NANOG: variants seen among roughly 807,000 people sequenced by gnomAD.
NANOG encodes the protein homeobox protein NANOG.
A neutral mutation model predicts 17.7 loss-of-function variants in NANOG; 2 were observed. The ratio of observed to expected loss-of-function variants is 0.11; its 90% confidence interval spans 0.05 to 0.36. The LOEUF is 0.36. NANOG is among the 10% of genes least tolerant of loss of function. The pLI is 1.00. For synonymous variants in NANOG, 81 were observed against 124.7 expected (o/e 0.65, Z 2.33); for missense variants, 174 against 362.1 (o/e 0.48, Z 4.22).
At position 7,794,681 on chromosome 12, in the gene NANOG, G is replaced by A; in HGVS notation, c.504G>A (p.Lys168=). 14 of 1,610,574 alleles carry A rather than the reference G, an allele frequency of 8.7e-6. No homozygotes were observed. The highest frequency in any genetic ancestry group is 1.2e-5 in the Non-Finnish European group (14 of 1,177,764). The change falls in exon 4 of 4, where the codon AAG becomes AAA. Residue 168 remains lysine, a splice_region_variant and synonymous_variant. Coordinates refer to ENST00000229307, the MANE Select transcript of NANOG (RefSeq NM_024865.4). ...GTTAATCCCTCCTTCTCTTTCAGAA[G>A]GCCTCAGCACCTACCTACCCCAGCC... The part of the protein sequence containing the change: ...WPKNSNGVTQ[K]ASAPTYPSLY...
At chr12:7,789,857 T>C in intron 1 of NANOG, 92 bp downstream of exon 1, 1 of 1,289,084 alleles carries the variant, frequency 7.8e-7, no homozygotes, top group Non-Finnish European at 1.1e-6. Context: ...TCTTGAGCAA[T>C]GATGGACCAT....
chr12:7,794,318 C>T, intron 2 of NANOG, 139 bp from the exon 3 acceptor site: 2 of 742,934 alleles, frequency 2.7e-6, no homozygotes, highest in Non-Finnish European at 4.4e-6. Flanking sequence ...AGCAATCTGC[C>T]CGCCTTGGCC....
intron 1 of NANOG, among the ~76,000 whole-genome samples, chr12:7,792,618 T>C (rs1862856599): frequency 6.6e-6 from 1 of 152,032 alleles, no homozygotes; most frequent in African/African-American, 2.4e-5. Context: ...GAGCCGAGAT[T>C]GCACCATCGC....
In NANOG at chr12:7,794,565, T is replaced by C. The variant is rs376477233; in HGVS notation, c.501+22T>C. The C allele has an allele frequency of 4.3e-6, 7 of 1,610,386 alleles. No homozygotes were observed. The African/African-American group carries it at 8.0e-5, about 18-fold the overall frequency. Reference sequence around the variant, plus strand: ...GCAGGTAACAGGAAACTTCATTCTGTTCTTTCCTTTCAGTGATCTTTCAAT... The same window carrying C: ...GCAGGTAACAGGAAACTTCATTCTGCTCTTTCCTTTCAGTGATCTTTCAAT... On this transcript the variant is annotated intron_variant, in intron 3 of 3. Transcript: ENST00000229307.
At chr12:7,793,268 G>C (rs1363699971) in intron 2 of NANOG, 56 bp downstream of exon 2, 32 of 1,564,770 alleles carry the variant, frequency 2.0e-5, no homozygotes, top group Non-Finnish European at 2.8e-5. Flanking sequence ...AATTTGCATG[G>C]CTAAGACCTC....
intron 1 of NANOG, 51 bp downstream of exon 1, chr12:7,789,816 A>G: frequency 6.4e-7 from 1 of 1,564,768 alleles, no homozygotes; most frequent in Non-Finnish European, 8.7e-7. Context: ...GGGAAAAGAG[A>G]GAAGGAGAGA....
chr12:7,794,240 AT>A (rs763209878), intron 2 of NANOG, among the ~76,000 whole-genome samples: 44 of 141,612 alleles, frequency 3.1e-4, no homozygotes, highest in African/African-American at 1.0e-3. Context: ...CACCCGGCTA[AT>A]TTTTTGTATT....
In NANOG at chr12:7,790,244, A is replaced by G. The variant is rs141877003; in HGVS notation, c.151+479A>G. On this transcript the variant is annotated intron_variant, in intron 1 of 3. Transcript: ENST00000229307. The stretch of plus-strand genomic sequence containing the variant: ...CACGATGAGATTTCTGTAATACATA[A>G]TTTGGGTAATTCTTTCTATGTCAGT... Among the ~76,000 whole-genome samples, 21 of 152,160 alleles carry G rather than the reference A, an allele frequency of 1.4e-4. 1 individual carries two copies. The highest frequency in any genetic ancestry group is 4.6e-4 in the African/African-American group (19 of 41,438).
At chr12:7,793,307 G>A (rs1862869416) in intron 2 of NANOG, 95 bp downstream of exon 2, 2 of 1,188,188 alleles carry the variant, frequency 1.7e-6, no homozygotes, top group East Asian at 2.4e-5. Flanking sequence ...TGTGTACTAT[G>A]TGTCCGTACA....
chr12:7,794,413 C>T, intron 2 of NANOG, 44 bp from the exon 3 acceptor site: 1 of 1,518,536 alleles, frequency 6.6e-7, no homozygotes, highest in Non-Finnish European at 9.1e-7. Context: ...CAAAGTACCT[C>T]TGTATTATGA....
chr12:7,789,590 T>C lies in NANOG; in HGVS notation c.-25T>C, dbSNP rs1263493979. 1 of 1,609,550 alleles carries C rather than the reference T, an allele frequency of 6.2e-7. No individual in the cohort carries two copies. The highest frequency in any genetic ancestry group is 2.2e-5 in the East Asian group (1 of 44,868). ...TTTTTCCAGTCCACCTCTTAAATTT[T>C]TTCCTCCTCTTCCTCTATACTAACA... On this transcript the variant is annotated 5_prime_UTR_variant, in exon 1 of 4. Coordinates refer to ENST00000229307, the MANE Select transcript of NANOG (RefSeq NM_024865.4).
rs1349468421 is a variant in NANOG at position 7,794,723 on chromosome 12, C to G, written c.546C>G (p.His182Gln). The G allele has an allele frequency of 1.9e-6, 3 of 1,579,598 alleles. No homozygotes were observed. Among genetic ancestry groups the G allele is most frequent in the Non-Finnish European group, 2.6e-6 (3 of 1,163,966 alleles). Residue 182 changes from histidine (H) to glutamine (Q), a missense_variant, in exon 4 of 4, where the codon CAC (histidine) becomes CAG (glutamine). By Grantham distance (24) the His-to-Gln change is conservative. Transcript: ENST00000229307. ...PTYPSLYSSYHQGCLVNPTGN... is the reference protein window; with the variant it reads ...PTYPSLYSSYQQGCLVNPTGN... ...ACCCCAGCCTTTACTCTTCCTACCA[C>G]CAGGGATGCCTGGTGAACCCGACTG...
intron 1 of NANOG, 134 bp downstream of exon 1, chr12:7,789,899 C>G: frequency 1.1e-6 from 1 of 924,758 alleles, no homozygotes; most frequent in Non-Finnish European, 1.6e-6. Flanking sequence ...TCAACTAATC[C>G]TCTGGAAACC....
chr12:7,794,533 G>A lies in NANOG; in HGVS notation c.491G>A (p.Gly164Asp). Residue 164 changes from glycine (G) to aspartate (D), a missense_variant, in exon 3 of 4, where the codon GGT becomes GAT. Coordinates refer to ENST00000229307, the MANE Select transcript of NANOG (RefSeq NM_024865.4). ...QKNNWPKNSN[G>D]VTQKASAPTY... ...AACAACTGGCCGAAGAATAGCAATG[G>A]TGTGACGCAGGTAACAGGAAACTTC... The A allele has an allele frequency of 6.2e-7, 1 of 1,613,438 alleles. No individual in the cohort carries two copies.
rs1862934919 is a variant in NANOG, at chr12:7,796,646, T to A, written c.*1551T>A. On this transcript the variant is annotated 3_prime_UTR_variant, in exon 4 of 4. Transcript: ENST00000229307. The stretch of plus-strand genomic sequence containing the variant: ...GATCTGAGAGCACGTCCCTTCACTC[T>A]GAAGCAGCATGATGCAGGTTATCAG... The A allele has an allele frequency of 6.6e-6, 1 of 152,194 alleles. No individual in the cohort carries two copies. The highest frequency in any genetic ancestry group is 1.5e-5 in the Non-Finnish European group (1 of 68,044). 9.4% of individuals were successfully genotyped at this position (152,194 alleles called of 1,614,324 possible).
intron 1 of NANOG, 71 bp downstream of exon 1, chr12:7,789,836 G>T (rs1331662764): frequency 1.4e-6 from 2 of 1,473,170 alleles, no homozygotes; most frequent in Non-Finnish European, 1.9e-6. Context: ...AGGGTTAAGG[G>T]ATCATTTCCC....
At position 7,798,102 on chromosome 12, in the gene NANOG, T is replaced by TG. The variant is rs1489189854; in HGVS notation, c.*3008dup. 1.3e-5 allele frequency: 2 copies of TG among 152,080 alleles called. No individual in the cohort carries two copies. Among genetic ancestry groups the TG allele is most frequent in the Non-Finnish European group, 2.9e-5 (2 of 68,012 alleles). The allele number at this position is 152,080 out of a possible 1,614,324, so 9.4% of individuals were successfully genotyped here. On this transcript the variant is annotated 3_prime_UTR_variant, in exon 4 of 4. Coordinates refer to ENST00000229307, the MANE Select transcript of NANOG (RefSeq NM_024865.4). ...AAAGCAGTAAGATTAGTGGGCCAGG[T>TG]GCCGTGGCTCACACCTGTAATCCCA...
At chr12:7,794,176 C>T (rs1268856863) in intron 2 of NANOG, among the ~76,000 whole-genome samples, 1 of 152,232 alleles carries the variant, frequency 6.6e-6, no homozygotes, top group African/African-American at 2.4e-5. Flanking sequence ...CAGGTGCAAG[C>T]GATCCTCCCG....
Position 7,796,323 on chromosome 12 carries a change from T to A in NANOG, c.*1228T>A, listed in dbSNP as rs1248133462. The A allele has an allele frequency of 4.1e-5, 6 of 145,490 alleles. No individual in the cohort carries two copies. The highest frequency in any genetic ancestry group is 7.9e-5 in the African/African-American group (3 of 37,942). The allele number at this position is 145,490 out of a possible 1,614,324, so 9.0% of individuals were successfully genotyped here. ...AATAAATAAGTAAATAAATGAATAA[T>A]AAATAAATATGCCAGTTTTAGAATG... On this transcript the variant is annotated 3_prime_UTR_variant, in exon 4 of 4. Transcript: ENST00000229307.
Sources: gnomAD v4.1 joint callset for allele counts (sites outside exome capture counted in the v4.1 genomes callset) on GRCh38, gnomAD v4.1.1 for gene constraint, MANE v1.5 for transcripts, NCBI Gene and HGNC (gene_info 2026-07-23, HGNC 2026-07-21) for gene names.